Variants in INSYN2A observed in about 807,000 individuals in gnomAD.
The protein encoded by INSYN2A is family with sequence similarity 196 member A.
In INSYN2A, 17 loss-of-function variants were observed where a neutral mutation model predicts 39.4. The observed-to-expected ratio is 0.43, with a 90% CI of 0.30 to 0.65. The LOEUF is 0.65. INSYN2A is among the 30% of genes least tolerant of loss of function. INSYN2A has a pLI of 0.14. For missense variants in INSYN2A, 595 were observed against 631.2 expected (o/e 0.94, Z 0.61); for synonymous variants, 255 against 265.7 (o/e 0.96, Z 0.39).
intron 4 of INSYN2A, among the ~76,000 whole-genome samples, chr10:127,170,685 C>G (rs1031753184): frequency 6.6e-6 from 1 of 152,164 alleles, no homozygotes; most frequent in African/African-American, 2.4e-5. Flanking sequence ...CCCATAGCTG[C>G]TACAGTGAAT....
intron 2 of INSYN2A, among the ~76,000 whole-genome samples, chr10:127,184,462 G>A (rs983864473): frequency 6.6e-6 from 1 of 151,560 alleles, no homozygotes; most frequent in Non-Finnish European, 1.5e-5. Context: ...CCTGCCCTCA[G>A]CTCTCCATTC....
At chr10:127,182,305 G>C (rs1366723101) in intron 2 of INSYN2A, among the ~76,000 whole-genome samples, 2 of 151,964 alleles carry the variant, frequency 1.3e-5, no homozygotes, top group East Asian at 3.9e-4. Flanking sequence ...CACTCTTAAC[G>C]AACAAAAAAA....
chr10:127,178,573 G>C (rs1397995207), intron 2 of INSYN2A, among the ~76,000 whole-genome samples: 1 of 152,202 alleles, frequency 6.6e-6, no homozygotes, highest in Non-Finnish European at 1.5e-5. Flanking sequence ...GGATGCCTCG[G>C]GCTCTTGTTC....
chr10:127,196,534 C>T lies in INSYN2A; in HGVS notation c.-932G>A, dbSNP rs1335018044. Reference sequence around the variant, plus strand: ...GCCGGGCGGCCAGAGGCGAGGGCGCCCCAAGCCGCGCGCCTGCCGCCTGTG... The same window carrying T: ...GCCGGGCGGCCAGAGGCGAGGGCGCTCCAAGCCGCGCGCCTGCCGCCTGTG... On this transcript the variant is annotated 5_prime_UTR_variant, in exon 1 of 6. Transcript: ENST00000522781. 3.4e-5 allele frequency among the ~76,000 whole-genome samples: 5 copies of T among 147,408 alleles called. No homozygotes were observed. The highest frequency in any genetic ancestry group is 2.1e-4 in the South Asian group (1 of 4,802).
chr10:127,156,169 T>C (rs1044326423), intron 4 of INSYN2A, among the ~76,000 whole-genome samples: 1 of 152,192 alleles, frequency 6.6e-6, no homozygotes, highest in Non-Finnish European at 1.5e-5. Flanking sequence ...CTCATCAACA[T>C]CAACACTCCT....
rs780369039 is a variant in INSYN2A at position 127,175,189 on chromosome 10, A to C, written c.1184+23T>G. 19 of 1,580,638 alleles carry C rather than the reference A, an allele frequency of 1.2e-5. No homozygotes were observed. The South Asian group carries it at 2.2e-4, about 18-fold the overall frequency. On this transcript the variant is annotated intron_variant, in intron 4 of 5. Coordinates refer to ENST00000522781, the MANE Select transcript of INSYN2A (RefSeq NM_001039762.3). This position sits in a 1 kb window ranked among gnomAD's most constrained non-coding sequence, Gnocchi z 6.3. ...TGGTGATCAGCCTGCATAGCTTCCTAAGACATGGGTGAACATACATACCCT... is the reference window on the plus strand; with the variant it reads ...TGGTGATCAGCCTGCATAGCTTCCTCAGACATGGGTGAACATACATACCCT...
intron 4 of INSYN2A, among the ~76,000 whole-genome samples, chr10:127,169,801 G>A (rs2054396581): frequency 6.6e-6 from 1 of 152,166 alleles, no homozygotes; most frequent in Admixed American, 6.5e-5. Context: ...TCTTAAGTAT[G>A]TGTATGTGCA....
In INSYN2A at chr10:127,176,458, C is replaced by G. The variant is rs1049666434; in HGVS notation, c.-5-58G>C. 2.1e-6 allele frequency: 3 copies of G among 1,397,860 alleles called. No individual in the cohort carries two copies. Among genetic ancestry groups the G allele is most frequent in the Non-Finnish European group, 2.9e-6 (3 of 1,032,358 alleles). 86.6% of individuals were successfully genotyped at this position (1,397,860 alleles called of 1,614,324 possible). A position where few individuals can be genotyped will look rare whatever the true frequency, so the allele number is the denominator to read the frequency against. ...GGGACAGAAATACACACTCAAGCACCGGCCGCACAAACTTTTAGCCACCAC... is the reference window on the plus strand; with the variant it reads ...GGGACAGAAATACACACTCAAGCACGGGCCGCACAAACTTTTAGCCACCAC... On this transcript the variant is annotated intron_variant, in intron 3 of 5. Coordinates refer to ENST00000522781, the MANE Select transcript of INSYN2A (RefSeq NM_001039762.3). This position sits in a 1 kb window ranked among gnomAD's most constrained non-coding sequence, Gnocchi z 4.4.
At chr10:127,190,860 ATTCTCATCTGTGACACC>A (rs1183283572) in intron 2 of INSYN2A, among the ~76,000 whole-genome samples, 1 of 151,866 alleles carries the variant, frequency 6.6e-6, no homozygotes, top group Non-Finnish European at 1.5e-5. Flanking sequence ...AGACTGGCAC[ATTCTCATCTGTGACACC>A]TTCTCAACTG....
intron 5 of INSYN2A, among the ~76,000 whole-genome samples, chr10:127,153,609 A>G (rs1486273559): frequency 6.6e-6 from 1 of 152,170 alleles, no homozygotes; most frequent in Non-Finnish European, 1.5e-5. Context: ...TCAAACTTAT[A>G]CCAATTCTTG....
intron 4 of INSYN2A, among the ~76,000 whole-genome samples, chr10:127,164,247 G>A (rs1261459732): frequency 3.0e-5 from 4 of 131,474 alleles, no homozygotes; most frequent in Admixed American, 8.6e-5. Context: ...GCAGAGGTGC[G>A]ATCTGGGCTC....
intron 4 of INSYN2A, among the ~76,000 whole-genome samples, chr10:127,157,833 C>T (rs2053229857): frequency 6.6e-6 from 1 of 152,124 alleles, no homozygotes; most frequent in East Asian, 1.9e-4. Flanking sequence ...GTTTGGAGTC[C>T]ATGAATGTCA....
intron 1 of INSYN2A, 36 bp downstream of exon 1, chr10:127,195,953 CGGGCGCGG>C (rs1201135199): frequency 2.0e-5 from 3 of 152,288 alleles, no homozygotes; most frequent in Admixed American, 6.5e-5. Flanking sequence ...CCAAGTACGA[CGGGCGCGG>C]GGGCGCGGGA....
chr10:127,169,831 T>C (rs752496894), intron 4 of INSYN2A, among the ~76,000 whole-genome samples: 1 of 152,196 alleles, frequency 6.6e-6, no homozygotes, highest in Non-Finnish European at 1.5e-5. Flanking sequence ...CCATTACTTG[T>C]TGGCTATTCA....
At chr10:127,141,425 A>G (rs2051231240) in intron 5 of INSYN2A, among the ~76,000 whole-genome samples, 1 of 152,178 alleles carries the variant, frequency 6.6e-6, no homozygotes. Flanking sequence ...AATTCTGGCC[A>G]GGCACGGTGG....
At chr10:127,194,666 T>C (rs749427982) in intron 1 of INSYN2A, among the ~76,000 whole-genome samples, 2 of 151,842 alleles carry the variant, frequency 1.3e-5, no homozygotes, top group Non-Finnish European at 2.9e-5. Flanking sequence ...ACTCTGACAG[T>C]CCCCCCACTG....
At chr10:127,188,601 CGTG>C (rs2134063314) in intron 2 of INSYN2A, among the ~76,000 whole-genome samples, 1 of 152,280 alleles carries the variant, frequency 6.6e-6, no homozygotes, top group Admixed American at 6.5e-5. Context: ...GGTTTGCTAA[CGTG>C]GTTAATTTCT....
intron 2 of INSYN2A, among the ~76,000 whole-genome samples, chr10:127,178,304 ATC>A (rs2055373943): frequency 6.6e-6 from 1 of 152,194 alleles, no homozygotes; most frequent in South Asian, 2.1e-4. Flanking sequence ...ACAAAAAACA[ATC>A]TCTGCAGCAT....
At chr10:127,162,040 T>C (rs1349246611) in intron 4 of INSYN2A, among the ~76,000 whole-genome samples, 1 of 152,184 alleles carries the variant, frequency 6.6e-6, no homozygotes, top group African/African-American at 2.4e-5. Context: ...AGAGTTACTT[T>C]AATATAACCA....
Sources: gnomAD v4.1 joint callset for allele counts (sites outside exome capture counted in the v4.1 genomes callset) on GRCh38, gnomAD v4.1.1 for gene constraint, Gnocchi (gnomAD v3.1) non-coding constraint, MANE v1.5 for transcripts, NCBI Gene and HGNC (gene_info 2026-07-23, HGNC 2026-07-21) for gene names.